The following CNTN5 variants were observed in gnomAD, a reference collection of about 807,000 sequenced individuals.
The protein encoded by CNTN5 is contactin-5.
CNTN5 carries 77 observed loss-of-function variants against 129.1 expected under a neutral mutation model. That is an observed-to-expected ratio of 0.60 (90% confidence interval 0.50 to 0.72). The LOEUF (loss-of-function observed/expected upper bound fraction) is 0.72, where lower values mean the gene tolerates loss of function less well. Among genes scored for constraint, CNTN5 ranks in the 30% least tolerant of loss-of-function variants. CNTN5 has a pLI of 0.00. For synonymous variants in CNTN5, 509 were observed against 465.6 expected (o/e 1.09, Z -1.20); for missense variants, 1,478 against 1,328.8 (o/e 1.11, Z -1.75).
At position 99,070,565 on chromosome 11, in the gene CNTN5, A is replaced by G. The variant is rs181817633; in HGVS notation, c.-210+49295A>G. ...GATAGATGGACCAAGAGATAGACAAATATACTTTTACAATAAATGAGATCT... is the reference window on the plus strand; with the variant it reads ...GATAGATGGACCAAGAGATAGACAAGTATACTTTTACAATAAATGAGATCT... On this transcript the variant is annotated intron_variant, in intron 1 of 24. Transcript: ENST00000524871. Among the ~76,000 whole-genome samples, 539 of 152,200 alleles carry G rather than the reference A, an allele frequency of 3.5e-3. 15 individuals carry two copies. Among genetic ancestry groups the G allele is most frequent in the Admixed American group, 0.031 (480 of 15,272 alleles).
chr11:99,291,532 A>G (rs1013135927), intron 1 of CNTN5, among the ~76,000 whole-genome samples: 3 of 152,050 alleles, frequency 2.0e-5, no homozygotes, highest in African/African-American at 7.2e-5. Flanking sequence ...TGTGCTTTCT[A>G]CAGACATGAA....
chr11:99,635,718 A>C (rs1168780815), intron 3 of CNTN5, among the ~76,000 whole-genome samples: 2 of 152,292 alleles, frequency 1.3e-5, no homozygotes, highest in East Asian at 3.9e-4. Context: ...CAGCATCCCT[A>C]GGGAAAATGA....
chr11:99,667,470 T>C (rs914252449), intron 3 of CNTN5, among the ~76,000 whole-genome samples: 4 of 152,176 alleles, frequency 2.6e-5, no homozygotes, highest in African/African-American at 4.8e-5. Flanking sequence ...TAAAGTTGTA[T>C]ATACAAGTTA....
At chr11:99,857,621 C>G (rs1415866542) in intron 6 of CNTN5, among the ~76,000 whole-genome samples, 1 of 151,942 alleles carries the variant, frequency 6.6e-6, no homozygotes, top group African/African-American at 2.4e-5. Context: ...CATTTTAATG[C>G]AGTAATAATA....
At chr11:100,131,264 G>A (rs1565270656) in intron 13 of CNTN5, among the ~76,000 whole-genome samples, 1 of 152,018 alleles carries the variant, frequency 6.6e-6, no homozygotes, top group Non-Finnish European at 1.5e-5. Flanking sequence ...GGACTAGTGA[G>A]CTAGTGATGA....
At chr11:99,908,990 G>A (rs1022530509) in intron 6 of CNTN5, among the ~76,000 whole-genome samples, 6 of 151,918 alleles carry the variant, frequency 3.9e-5, no homozygotes, top group Non-Finnish European at 7.4e-5. Flanking sequence ...AGAAAAAACG[G>A]GGCTAATGAA....
chr11:100,231,160 C>T (rs1228081336), intron 16 of CNTN5, among the ~76,000 whole-genome samples: 2 of 152,176 alleles, frequency 1.3e-5, no homozygotes, highest in South Asian at 4.1e-4. Context: ...AGGAGTTTAA[C>T]TCTTATGCTA....
At position 99,827,740 on chromosome 11, in the gene CNTN5, C is replaced by T. The variant is rs114196765; in HGVS notation, c.277+7975C>T. On this transcript the variant is annotated intron_variant, in intron 4 of 24. Coordinates refer to ENST00000524871, the MANE Select transcript of CNTN5 (RefSeq NM_014361.4). The stretch of plus-strand genomic sequence containing the variant: ...TTAACAGATTGGCTCTAAAAAGTAG[C>T]TTGAATGGCTCCTTTATACAATTAC... 1.3e-3 allele frequency among the ~76,000 whole-genome samples: 205 copies of T among 152,262 alleles called. 1 individual carries two copies. Among genetic ancestry groups the T allele is most frequent in the African/African-American group, 4.7e-3 (196 of 41,558 alleles).
At chr11:100,064,095 T>C (rs1286743145) in intron 10 of CNTN5, among the ~76,000 whole-genome samples, 2 of 152,168 alleles carry the variant, frequency 1.3e-5, no homozygotes, top group Admixed American at 6.6e-5. Context: ...ATTTAGAATA[T>C]TCTCTCAATA....
At chr11:99,680,015 A>G (rs1591469513) in intron 3 of CNTN5, among the ~76,000 whole-genome samples, 1 of 152,198 alleles carries the variant, frequency 6.6e-6, no homozygotes, top group East Asian at 1.9e-4. Flanking sequence ...ATTCTCTTCA[A>G]TTCTTTGAAT....
intron 1 of CNTN5, among the ~76,000 whole-genome samples, chr11:99,173,996 T>C (rs1043317332): frequency 7.4e-6 from 1 of 134,488 alleles, no homozygotes; most frequent in East Asian, 2.2e-4. Flanking sequence ...GCGTCAAAAA[T>C]GCCTTTTGTG....
chr11:99,644,480 C>T (rs1951877818), intron 3 of CNTN5, among the ~76,000 whole-genome samples: 1 of 152,036 alleles, frequency 6.6e-6, no homozygotes, highest in Non-Finnish European at 1.5e-5. Flanking sequence ...TTAATTCTTC[C>T]TATCTATAGG....
chr11:100,271,555 A>G (rs938320396), intron 18 of CNTN5, among the ~76,000 whole-genome samples: 110 of 151,794 alleles, frequency 7.2e-4, no homozygotes, highest in African/African-American at 1.9e-3. Context: ...TCAATATAGC[A>G]TACACTTAAG....
intron 1 of CNTN5, among the ~76,000 whole-genome samples, chr11:99,274,769 T>C (rs1387096543): frequency 6.6e-6 from 1 of 151,492 alleles, no homozygotes; most frequent in African/African-American, 2.4e-5. Flanking sequence ...TTAATCTTTC[T>C]AAACCTCATT....
chr11:100,121,356 C>T (rs1033029865), intron 13 of CNTN5, among the ~76,000 whole-genome samples: 1 of 152,008 alleles, frequency 6.6e-6, no homozygotes, highest in Non-Finnish European at 1.5e-5. Context: ...TTTTAATCTT[C>T]CTTCCTGTGA....
intron 3 of CNTN5, among the ~76,000 whole-genome samples, chr11:99,589,197 G>A (rs1374390973): frequency 1.3e-5 from 2 of 152,148 alleles, no homozygotes; most frequent in Non-Finnish European, 2.9e-5. Flanking sequence ...AGTGGTAAAT[G>A]CTTTATAAAT....
chr11:99,618,718 A>G (rs1183179084), intron 3 of CNTN5, among the ~76,000 whole-genome samples: 2 of 152,134 alleles, frequency 1.3e-5, no homozygotes, highest in African/African-American at 4.8e-5. Flanking sequence ...ACTGTTGCTG[A>G]TTGTGTCTGT....
intron 2 of CNTN5, among the ~76,000 whole-genome samples, chr11:99,416,966 C>A (rs1942685551): frequency 6.6e-6 from 1 of 152,184 alleles, no homozygotes; most frequent in South Asian, 2.1e-4. Flanking sequence ...CTGAAAGTAT[C>A]TGCTTATGAG....
chr11:99,217,073 G>A (rs1189855359), intron 1 of CNTN5, among the ~76,000 whole-genome samples: 7 of 152,010 alleles, frequency 4.6e-5, no homozygotes, highest in South Asian at 2.1e-4. Context: ...CCAGCTACTC[G>A]GGAGGCTGAG....
Sources: gnomAD v4.1 joint callset for allele counts (sites outside exome capture counted in the v4.1 genomes callset) on GRCh38, gnomAD v4.1.1 for gene constraint, MANE v1.5 for transcripts, NCBI Gene and HGNC (gene_info 2026-07-23, HGNC 2026-07-21) for gene names.